The following ASIC2 variants were observed in gnomAD, a reference collection of about 807,000 sequenced individuals.
The protein encoded by ASIC2 is acid-sensing ion channel 2.
ASIC2 carries 25 observed loss-of-function variants against 57.3 expected under a neutral mutation model. That is an observed-to-expected ratio of 0.44 (90% CI 0.32 to 0.61). ASIC2 has a LOEUF of 0.61. Ranked by LOEUF, ASIC2 falls within the 20% of genes least tolerant of loss-of-function variation. ASIC2 has a pLI of 0.06. For synonymous variants in ASIC2, 319 were observed against 307.5 expected (o/e 1.04, Z -0.39); for missense variants, 641 against 738.1 (o/e 0.87, Z 1.52).
At chr17:34,139,952 G>A (rs1912228210) in intron 1 of ASIC2, among the ~76,000 whole-genome samples, 1 of 152,252 alleles carries the variant, frequency 6.6e-6, no homozygotes, top group African/African-American at 2.4e-5. Context: ...TGTGTGTGAT[G>A]TGGATTGGGG....
intron 1 of ASIC2, among the ~76,000 whole-genome samples, chr17:33,352,146 T>A (rs139532387): frequency 6.6e-6 from 1 of 152,176 alleles, no homozygotes; most frequent in African/African-American, 2.4e-5. Flanking sequence ...GGTTCCTCAG[T>A]CTCTATCTGT....
chr17:33,997,577 C>T (rs1906204163), intron 1 of ASIC2, among the ~76,000 whole-genome samples: 2 of 152,030 alleles, frequency 1.3e-5, no homozygotes, highest in African/African-American at 2.4e-5. Flanking sequence ...GAGTTTTTAT[C>T]ATGAAAGGAT....
intron 1 of ASIC2, among the ~76,000 whole-genome samples, chr17:33,986,518 A>T (rs1366957780): frequency 6.6e-6 from 1 of 152,148 alleles, no homozygotes; most frequent in Admixed American, 6.5e-5. Flanking sequence ...GCCTATTCAT[A>T]TTCATCCCCT....
chr17:33,070,463 G>A (rs892925151), intron 3 of ASIC2, among the ~76,000 whole-genome samples: 2 of 151,372 alleles, frequency 1.3e-5, no homozygotes, highest in African/African-American at 2.4e-5. Flanking sequence ...TTAGCCTCCC[G>A]AGTAGCTGGG....
At chr17:34,017,269 G>A (rs974915938) in intron 1 of ASIC2, among the ~76,000 whole-genome samples, 5 of 152,128 alleles carry the variant, frequency 3.3e-5, no homozygotes, top group African/African-American at 1.2e-4. Context: ...TTGTTTGGGG[G>A]CATCATGAAT....
At chr17:33,257,458 T>G (rs1327280474) in intron 1 of ASIC2, among the ~76,000 whole-genome samples, 1 of 152,230 alleles carries the variant, frequency 6.6e-6, no homozygotes, top group Non-Finnish European at 1.5e-5. Flanking sequence ...ACACTTTTAG[T>G]ATATAGGCGA....
In ASIC2 at chr17:33,467,915, G is replaced by A. The variant is rs142438311; in HGVS notation, c.556-355848C>T. Among the ~76,000 whole-genome samples the A allele has an allele frequency of 1.2e-4, 19 of 152,308 alleles. No homozygotes were observed. In the South Asian group the frequency reaches 1.4e-3, roughly 12 times the overall value. ...CCCTGAGGGCTGTGCATTGGCCATG[G>A]TCACTCATATTTGGCTCAGAATAAA... On this transcript the variant is annotated intron_variant, in intron 1 of 9. Coordinates refer to the ASIC2 transcript ENST00000359872.
At chr17:33,131,094 T>C (rs1017893922) in intron 1 of ASIC2, among the ~76,000 whole-genome samples, 1 of 152,154 alleles carries the variant, frequency 6.6e-6, no homozygotes, top group African/African-American at 2.4e-5. Flanking sequence ...ACTATGCTTA[T>C]TGTGGTTATT....
intron 1 of ASIC2, chr17:34,005,813 T>C (rs372025308): frequency 3.3e-5 from 5 of 152,364 alleles, no homozygotes; most frequent in African/African-American, 1.2e-4. Context: ...TTACATCTAC[T>C]GGAGAAAAGA....
intron 1 of ASIC2, among the ~76,000 whole-genome samples, chr17:33,892,167 A>C (rs1914977987): frequency 1.3e-5 from 2 of 152,226 alleles, no homozygotes; most frequent in African/African-American, 4.8e-5. Context: ...CATTTGAGAA[A>C]TAGACAATGA....
intron 1 of ASIC2, among the ~76,000 whole-genome samples, chr17:33,885,770 A>T (rs995877358): frequency 1.4e-4 from 22 of 152,226 alleles, no homozygotes; most frequent in African/African-American, 5.1e-4. Flanking sequence ...CATCTTCCTT[A>T]ATTCCTTAGG....
chr17:33,142,084 G>A (rs1904339107), intron 1 of ASIC2, among the ~76,000 whole-genome samples: 1 of 152,184 alleles, frequency 6.6e-6, no homozygotes. Context: ...GCAAAGACCA[G>A]GAGTTTGTTC....
intron 1 of ASIC2, among the ~76,000 whole-genome samples, chr17:33,970,296 C>T (rs1905191842): frequency 2.6e-5 from 4 of 152,160 alleles, no homozygotes; most frequent in African/African-American, 9.7e-5. Flanking sequence ...GGATACCTTT[C>T]CTCATTCTCG....
intron 2 of ASIC2, among the ~76,000 whole-genome samples, chr17:33,108,489 G>A (rs1210763406): frequency 1.3e-5 from 2 of 152,164 alleles, no homozygotes; most frequent in Non-Finnish European, 2.9e-5. Context: ...TCATCCTCGG[G>A]ATCAATGACC....
At chr17:33,187,711 CA>C (rs1343168557) in intron 1 of ASIC2, among the ~76,000 whole-genome samples, 2 of 151,928 alleles carry the variant, frequency 1.3e-5, no homozygotes, top group Non-Finnish European at 2.9e-5. Context: ...ACTTCATTTA[CA>C]AAAACAGAAG....
intron 1 of ASIC2, among the ~76,000 whole-genome samples, chr17:33,718,215 A>G (rs935312306): frequency 3.9e-5 from 6 of 152,190 alleles, no homozygotes; most frequent in Admixed American, 3.9e-4. Flanking sequence ...TGCTATGTAA[A>G]TGGTTGTTAG....
intron 1 of ASIC2, among the ~76,000 whole-genome samples, chr17:33,730,190 C>T (rs1909697079): frequency 6.6e-6 from 1 of 152,124 alleles, no homozygotes; most frequent in African/African-American, 2.4e-5. Context: ...AAAAAAAATG[C>T]TTTCCTACCT....
At chr17:33,017,305 G>A (rs1172625097) in intron 8 of ASIC2, among the ~76,000 whole-genome samples, 1 of 152,220 alleles carries the variant, frequency 6.6e-6, no homozygotes. Flanking sequence ...CCTCAGCACA[G>A]TCTGGCCCCC....
intron 1 of ASIC2, among the ~76,000 whole-genome samples, chr17:33,404,741 A>G (rs1910407719): frequency 6.6e-6 from 1 of 152,228 alleles, no homozygotes; most frequent in Non-Finnish European, 1.5e-5. Context: ...CTAGATACAC[A>G]AAGAAATATT....
Sources: gnomAD v4.1 joint callset for allele counts (sites outside exome capture counted in the v4.1 genomes callset) on GRCh38, gnomAD v4.1.1 for gene constraint, MANE v1.5 for transcripts, NCBI Gene and HGNC (gene_info 2026-07-23, HGNC 2026-07-21) for gene names.